Variants in METTL24 observed in about 807,000 individuals in gnomAD.
METTL24 encodes the protein methyltransferase like 24.
Under a neutral mutation model 32.7 loss-of-function variants are expected in METTL24, and 29 were observed. The ratio of observed to expected loss-of-function variants is 0.89; its 90% confidence interval spans 0.66 to 1.21. The LOEUF (loss-of-function observed/expected upper bound fraction) is 1.21. Ranked by LOEUF, METTL24 falls within the 50% of genes most tolerant of loss-of-function variation. METTL24 has a pLI of 0.00. For synonymous variants in METTL24, 163 were observed against 179.5 expected, an observed-to-expected ratio of 0.91 and a Z score of 0.73; for missense variants, 439 against 468.1, an observed-to-expected ratio of 0.94 and a Z score of 0.57.
chr6:110,333,731 C>T (rs1166088729), intron 1 of METTL24, among the ~76,000 whole-genome samples: 1 of 152,214 alleles, frequency 6.6e-6, no homozygotes, highest in Non-Finnish European at 1.5e-5. Flanking sequence ...CGTAAGCCAC[C>T]ACGCCCAGCC....
At chr6:110,298,187 C>A (rs1771454956) in intron 4 of METTL24, among the ~76,000 whole-genome samples, 1 of 152,168 alleles carries the variant, frequency 6.6e-6, no homozygotes, top group South Asian at 2.1e-4. Flanking sequence ...GCCAAAATAG[C>A]CAAACCCAAG....
chr6:110,314,538 G>GT (rs1771783360), intron 3 of METTL24, among the ~76,000 whole-genome samples: 2 of 152,068 alleles, frequency 1.3e-5, no homozygotes, highest in Admixed American at 6.6e-5. Flanking sequence ...AAATGACATA[G>GT]TTTTTTATGA....
At chr6:110,348,370 T>G (rs545572656) in intron 1 of METTL24, among the ~76,000 whole-genome samples, 1 of 152,340 alleles carries the variant, frequency 6.6e-6, no homozygotes, top group South Asian at 2.1e-4. Context: ...ACTGAAGTAT[T>G]TTCATGAAAT....
intron 1 of METTL24, among the ~76,000 whole-genome samples, chr6:110,325,393 G>T (rs2114756889): frequency 6.6e-6 from 1 of 152,316 alleles, no homozygotes; most frequent in Non-Finnish European, 1.5e-5. Flanking sequence ...GTAAACAAAT[G>T]GTTATGGCTG....
At position 110,299,180 on chromosome 6, in the gene METTL24, C is replaced by CA. The variant is rs756097637; in HGVS notation, c.558-31dup. 7 of 1,590,874 alleles carry CA rather than the reference C, an allele frequency of 4.4e-6. No individual in the cohort carries two copies. In the East Asian group the frequency reaches 6.7e-5, roughly 15 times the overall value. On this transcript the variant is annotated intron_variant, in intron 3 of 4. Transcript: ENST00000338882. ...AAAGAAAGAGGACGGAAATCAACAA[C>CA]AAAAAATGCAATGAAGCAAAGTGTT...
intron 4 of METTL24, among the ~76,000 whole-genome samples, chr6:110,295,180 G>A (rs575018356): frequency 1.3e-4 from 19 of 151,744 alleles, no homozygotes; most frequent in African/African-American, 4.1e-4. Context: ...ATGTCACCAT[G>A]CCCAGCTAAT....
intron 4 of METTL24, among the ~76,000 whole-genome samples, chr6:110,292,796 G>T (rs538421969): frequency 3.3e-5 from 5 of 151,634 alleles, no homozygotes; most frequent in Admixed American, 2.6e-4. Flanking sequence ...TTGGTAAAAG[G>T]CATCAAATAA....
chr6:110,280,005 C>T (rs529506298), intron 4 of METTL24, among the ~76,000 whole-genome samples: 14 of 152,152 alleles, frequency 9.2e-5, no homozygotes, highest in South Asian at 4.1e-4. Flanking sequence ...CCAGAGCAGG[C>T]GCAAGAGACA....
At chr6:110,246,516 C>T (rs957771489) in intron 4 of METTL24, among the ~76,000 whole-genome samples, 1 of 152,192 alleles carries the variant, frequency 6.6e-6, no homozygotes, top group Non-Finnish European at 1.5e-5. Flanking sequence ...ACTCCTGGTT[C>T]AAGCAATCCT....
intron 2 of METTL24, among the ~76,000 whole-genome samples, chr6:110,322,280 G>A (rs1054033209): frequency 6.6e-6 from 1 of 152,154 alleles, no homozygotes; most frequent in African/African-American, 2.4e-5. Context: ...AGAGCCTTTG[G>A]ATTCATTAAC....
chr6:110,327,866 T>C (rs1772043571), intron 1 of METTL24, among the ~76,000 whole-genome samples: 1 of 152,208 alleles, frequency 6.6e-6, no homozygotes, highest in African/African-American at 2.4e-5. Flanking sequence ...CCAGGGTACA[T>C]TAAATGCCTA....
intron 3 of METTL24, among the ~76,000 whole-genome samples, chr6:110,302,582 T>TACACACACAC (rs1771547619): frequency 8.5e-6 from 1 of 117,498 alleles, no homozygotes; most frequent in African/African-American, 4.9e-5. Flanking sequence ...CACACACATA[T>TACACACACAC]GTGTATATAT....
At position 110,259,035 on chromosome 6, in the gene METTL24, G is replaced by A. The variant is rs1778438956; in HGVS notation, c.787-12775C>T. 2.0e-5 allele frequency among the ~76,000 whole-genome samples: 3 copies of A among 152,266 alleles called. No individual in the cohort carries two copies. The South Asian group carries it at 6.2e-4, about 32-fold the overall frequency. On this transcript the variant is annotated intron_variant, in intron 4 of 4. Transcript: ENST00000338882. The stretch of plus-strand genomic sequence containing the variant: ...AAAGCTCCAGTCTACAGCTCCCAGA[G>A]TGAGCGATGCAGATGATGAATGATT...
At chr6:110,334,962 T>C (rs1477929901) in intron 1 of METTL24, among the ~76,000 whole-genome samples, 1 of 152,204 alleles carries the variant, frequency 6.6e-6, no homozygotes, top group Non-Finnish European at 1.5e-5. Flanking sequence ...CTATAAGTTA[T>C]AGTGGCTGAC....
chr6:110,272,438 AT>A (rs1770974997), intron 4 of METTL24, among the ~76,000 whole-genome samples: 1 of 152,158 alleles, frequency 6.6e-6, no homozygotes, highest in Admixed American at 6.6e-5. Context: ...ATGTGTGTGC[AT>A]GTGTCTTTTT....
intron 4 of METTL24, among the ~76,000 whole-genome samples, chr6:110,270,472 T>TA (rs1157096958): frequency 1.3e-5 from 2 of 152,146 alleles, no homozygotes; most frequent in African/African-American, 4.8e-5. Flanking sequence ...AGTCAGTTGC[T>TA]AACCTGTCGC....
At chr6:110,290,197 G>T (rs1377175873) in intron 4 of METTL24, among the ~76,000 whole-genome samples, 1 of 152,096 alleles carries the variant, frequency 6.6e-6, no homozygotes, top group African/African-American at 2.4e-5. Flanking sequence ...GATTACAGGT[G>T]TAAGCCACCA....
intron 1 of METTL24, among the ~76,000 whole-genome samples, chr6:110,330,698 T>C (rs1772097261): frequency 6.6e-6 from 1 of 152,094 alleles, no homozygotes; most frequent in Non-Finnish European, 1.5e-5. Context: ...GTGAAACCCC[T>C]ACCAAGCCTT....
intron 4 of METTL24, among the ~76,000 whole-genome samples, chr6:110,252,639 T>A (rs889160133): frequency 6.6e-6 from 1 of 152,224 alleles, no homozygotes; most frequent in East Asian, 1.9e-4. Context: ...TATGGCAGCC[T>A]GTAGTGTCTC....
Sources: gnomAD v4.1 joint callset for allele counts (sites outside exome capture counted in the v4.1 genomes callset) on GRCh38, gnomAD v4.1.1 for gene constraint, MANE v1.5 for transcripts, NCBI Gene and HGNC (gene_info 2026-07-23, HGNC 2026-07-21) for gene names.